Variants in LINGO2 observed in about 807,000 individuals in gnomAD.
The protein encoded by LINGO2 is leucine rich repeat and Ig domain containing 2, also known as leucine-rich repeat and immunoglobulin-like domain-containing nogo receptor-interacting protein 2.
LINGO2 carries 14 observed loss-of-function variants against 30.6 expected under a neutral mutation model. That is an observed-to-expected ratio of 0.46 (90% CI 0.30 to 0.72). The LOEUF (loss-of-function observed/expected upper bound fraction) is 0.72. Among genes scored for constraint, LINGO2 ranks in the 30% least tolerant of loss-of-function variants. LINGO2 has a pLI of 0.07. For missense variants in LINGO2, 729 were observed against 751.7 expected, an observed-to-expected ratio of 0.97 and a Z score of 0.35; for synonymous variants, 317 against 288.5, an observed-to-expected ratio of 1.10 and a Z score of -1.00.
At chr9:28,794,378 C>A in the LINGO2 span, among the ~76,000 whole-genome samples, 4 of 152,062 alleles carry the variant, frequency 2.6e-5, no homozygotes, top group Non-Finnish European at 4.4e-5. Flanking sequence ...ACTAGATTAA[C>A]TTTATGCTAC....
At chr9:28,757,893 G>A in the LINGO2 span, among the ~76,000 whole-genome samples, 1 of 152,090 alleles carries the variant, frequency 6.6e-6, no homozygotes, top group African/African-American at 2.4e-5. Flanking sequence ...CAAACTTCAT[G>A]GCATCTAGTG....
At chr9:27,955,260 C>G (rs187046206) in intron 5 of LINGO2, among the ~76,000 whole-genome samples, 1 of 152,180 alleles carries the variant, frequency 6.6e-6, no homozygotes, top group Non-Finnish European at 1.5e-5. Context: ...ATCAATTTCT[C>G]CACCTCATAG....
chr9:28,317,694 T>C lies in LINGO2; in HGVS notation c.-245-22328A>G, dbSNP rs542172242. Among the ~76,000 whole-genome samples the C allele has an allele frequency of 6.6e-5, 10 of 152,294 alleles. No individual in the cohort carries two copies. In the East Asian group the frequency reaches 1.5e-3, roughly 24 times the overall value. ...TTCATTCTATTTGCTTTCTCCCTTTTCTACTGTTCACATAAAAGTGGGTTG... is the reference window on the plus strand; with the variant it reads ...TTCATTCTATTTGCTTTCTCCCTTTCCTACTGTTCACATAAAAGTGGGTTG... On this transcript the variant is annotated intron_variant, in intron 3 of 5. Coordinates refer to ENST00000379992, the Ensembl canonical transcript of LINGO2.
chr9:29,065,731 GA>G, the LINGO2 span, among the ~76,000 whole-genome samples: 8 of 151,768 alleles, frequency 5.3e-5, no homozygotes, highest in African/African-American at 1.7e-4. Flanking sequence ...TTAAATTTAA[GA>G]GCTCATATGA....
At chr9:28,024,649 C>A (rs869994) in intron 4 of LINGO2, among the ~76,000 whole-genome samples, 89,504 of 151,886 alleles carry the variant, frequency 0.59, 27,362 homozygotes, top group Middle Eastern at 0.69. Context: ...GCTTGCCTAG[C>A]TGCCTGGTTA....
At chr9:29,018,876 T>A in the LINGO2 span, among the ~76,000 whole-genome samples, 1 of 152,144 alleles carries the variant, frequency 6.6e-6, no homozygotes, top group African/African-American at 2.4e-5. Context: ...AGAACGAAAT[T>A]CACAGGGACT....
the LINGO2 span, among the ~76,000 whole-genome samples, chr9:29,095,906 T>A: frequency 7.2e-6 from 1 of 138,276 alleles, no homozygotes; most frequent in Non-Finnish European, 1.6e-5. Flanking sequence ...CTTGTGAAGA[T>A]GAGGGACATA....
downstream of LINGO2, among the ~76,000 whole-genome samples, chr9:27,947,897 G>A (rs773850591): frequency 1.3e-5 from 2 of 152,000 alleles, no homozygotes; most frequent in African/African-American, 2.4e-5. Context: ...CTATTAACCC[G>A]CTAATAGTGA....
intron 4 of LINGO2, among the ~76,000 whole-genome samples, chr9:28,272,515 A>G (rs529374927): frequency 1.3e-5 from 2 of 151,984 alleles, no homozygotes; most frequent in East Asian, 1.9e-4. Context: ...TACCTCCCTA[A>G]AGACTCTCTT....
intron 4 of LINGO2, among the ~76,000 whole-genome samples, chr9:28,155,574 T>C (rs1348785634): frequency 6.6e-6 from 1 of 152,220 alleles, no homozygotes; most frequent in East Asian, 1.9e-4. Flanking sequence ...CTAAAATATG[T>C]TCCATGAACA....
chr9:29,110,261 C>G, the LINGO2 span, among the ~76,000 whole-genome samples: 3 of 152,220 alleles, frequency 2.0e-5, no homozygotes, highest in African/African-American at 2.4e-5. Context: ...CTTGATAGTT[C>G]TGGAAATGTC....
chr9:29,077,960 T>A, the LINGO2 span, among the ~76,000 whole-genome samples: 2 of 151,976 alleles, frequency 1.3e-5, no homozygotes, highest in Non-Finnish European at 2.9e-5. Flanking sequence ...GGAATCTAAA[T>A]TCTGAATATC....
the LINGO2 span, among the ~76,000 whole-genome samples, chr9:28,906,165 G>T: frequency 4.6e-5 from 7 of 151,940 alleles, no homozygotes; most frequent in Non-Finnish European, 1.0e-4. Flanking sequence ...GCAGGCTGGG[G>T]AGATGTGGGT....
chr9:28,355,422 G>T (rs1479381474), intron 3 of LINGO2, among the ~76,000 whole-genome samples: 2 of 134,714 alleles, frequency 1.5e-5, no homozygotes, highest in African/African-American at 5.5e-5. Flanking sequence ...CATTGCCTTG[G>T]AAAAGTTTTT....
the LINGO2 span, among the ~76,000 whole-genome samples, chr9:29,109,970 G>T: frequency 6.6e-6 from 1 of 152,136 alleles, no homozygotes; most frequent in Non-Finnish European, 1.5e-5. Context: ...TGTTACAGAT[G>T]AGAAGATACT....
chr9:28,525,096 G>T (rs959579363), intron 1 of LINGO2, among the ~76,000 whole-genome samples: 1 of 151,876 alleles, frequency 6.6e-6, no homozygotes, highest in Non-Finnish European at 1.5e-5. Context: ...CACGAAAAAG[G>T]ACATGAAAAA....
the LINGO2 span, among the ~76,000 whole-genome samples, chr9:29,155,605 G>A: frequency 1.4e-5 from 2 of 147,558 alleles, no homozygotes; most frequent in African/African-American, 5.0e-5. Flanking sequence ...AAAAAAAGAA[G>A]AAAATGAAAA....
chr9:28,691,464 T>A, the LINGO2 span, among the ~76,000 whole-genome samples: 1 of 152,138 alleles, frequency 6.6e-6, no homozygotes, highest in Non-Finnish European at 1.5e-5. Flanking sequence ...GATCAAAAAT[T>A]GACTTTTTTC....
intron 5 of LINGO2, among the ~76,000 whole-genome samples, chr9:27,993,785 C>T (rs1587638578): frequency 1.3e-5 from 2 of 152,090 alleles, no homozygotes; most frequent in South Asian, 2.1e-4. Context: ...TAGTAAATGG[C>T]TGCAAACATA....
Sources: allele counts gnomAD v4.1 joint callset (sites outside exome capture counted in the v4.1 genomes callset), GRCh38; gene constraint gnomAD v4.1.1; transcripts MANE v1.5; gene names NCBI Gene and HGNC (gene_info 2026-07-23, HGNC 2026-07-21).